The following DSCAML1 variants were observed in gnomAD, a reference collection of about 807,000 sequenced individuals.
The protein encoded by DSCAML1 is DS cell adhesion molecule like 1.
Under a neutral mutation model 200.5 loss-of-function variants are expected in DSCAML1, and 38 were observed. That is an observed-to-expected ratio of 0.19 (90% CI 0.15 to 0.25). The LOEUF (loss-of-function observed/expected upper bound fraction) is 0.25, where lower values mean the gene tolerates loss of function less well. DSCAML1 is among the 10% of genes least tolerant of loss of function. DSCAML1 has a pLI of 1.00. For missense variants in DSCAML1, 2,223 were observed against 2,858.8 expected (o/e 0.78, Z 5.07); for synonymous variants, 1,215 against 1,165.0 (o/e 1.04, Z -0.87).
intron 3 of DSCAML1, among the ~76,000 whole-genome samples, chr11:117,617,556 T>C (rs2051833537): frequency 6.6e-6 from 1 of 152,048 alleles, no homozygotes; most frequent in Non-Finnish European, 1.5e-5. Flanking sequence ...TCTGCGCAAT[T>C]AACAATAATT....
intron 3 of DSCAML1, among the ~76,000 whole-genome samples, chr11:117,590,138 C>CATG (rs1285812883): frequency 6.6e-6 from 1 of 152,092 alleles, no homozygotes; most frequent in Non-Finnish European, 1.5e-5. Flanking sequence ...ATCCATGAAC[C>CATG]CATGGGCTTG....
chr11:117,633,508 C>T (rs1028470968), intron 3 of DSCAML1, among the ~76,000 whole-genome samples: 11 of 152,178 alleles, frequency 7.2e-5, no homozygotes, highest in Admixed American at 4.6e-4. Flanking sequence ...GCCTTCAGCG[C>T]GTGGCAGGTT....
intron 11 of DSCAML1, among the ~76,000 whole-genome samples, chr11:117,487,846 G>T (rs145609077): frequency 1.3e-5 from 2 of 152,282 alleles, no homozygotes; most frequent in East Asian, 3.9e-4. Flanking sequence ...AGTATTTTCT[G>T]CTGTTTGGGG....
chr11:117,735,503 G>T (rs1449950441), intron 3 of DSCAML1, among the ~76,000 whole-genome samples: 5 of 152,168 alleles, frequency 3.3e-5, no homozygotes, highest in African/African-American at 1.2e-4. Flanking sequence ...GCAGGGGTGG[G>T]CGGGGCTGTC....
intron 20 of DSCAML1, among the ~76,000 whole-genome samples, chr11:117,444,800 A>C (rs913332351): frequency 3.9e-5 from 6 of 152,192 alleles, no homozygotes; most frequent in African/African-American, 1.4e-4. Flanking sequence ...AATGAATTTG[A>C]GAAGGAGCTT....
At chr11:117,581,737 T>A (rs556175733) in intron 3 of DSCAML1, among the ~76,000 whole-genome samples, 1 of 152,320 alleles carries the variant, frequency 6.6e-6, no homozygotes, top group South Asian at 2.1e-4. Context: ...AACTGAGGCT[T>A]AGAAATGTTA....
chr11:117,607,812 G>A (rs934613751), intron 3 of DSCAML1, among the ~76,000 whole-genome samples: 8 of 152,342 alleles, frequency 5.3e-5, no homozygotes, highest in African/African-American at 1.4e-4. Context: ...GGATGGATGA[G>A]TTTCCCTGCA....
At chr11:117,677,919 C>T (rs537982809) in intron 3 of DSCAML1, among the ~76,000 whole-genome samples, 1 of 152,310 alleles carries the variant, frequency 6.6e-6, no homozygotes, top group Non-Finnish European at 1.5e-5. Flanking sequence ...TCTGACAGAG[C>T]TGTCTCAAAG....
intron 11 of DSCAML1, among the ~76,000 whole-genome samples, chr11:117,497,460 G>A (rs374962043): frequency 3.3e-5 from 5 of 152,352 alleles, no homozygotes; most frequent in African/African-American, 1.2e-4. Flanking sequence ...CTGGCCTGAT[G>A]AGAGGAAGTG....
In DSCAML1 at chr11:117,431,586, A is replaced by G. The variant is rs755003661; in HGVS notation, c.5322T>C (p.Gly1774=). 2 of 1,610,976 alleles carry G rather than the reference A, an allele frequency of 1.2e-6. No homozygotes were observed. Among genetic ancestry groups the G allele is most frequent in the East Asian group, 2.2e-5 (1 of 44,816 alleles). Reference sequence around the variant, plus strand: ...AGCTGTCACTCTCAGTGACCGTGACACCATGCTGGGAGCCCACGGTGCGCC... The same window carrying G: ...AGCTGTCACTCTCAGTGACCGTGACGCCATGCTGGGAGCCCACGGTGCGCC... ...SDWRTVGSQH[G]VTVTESDSYS... Residue 1774 remains glycine, a synonymous_variant, in exon 31 of 33, where the codon GGT becomes GGC. Coordinates refer to ENST00000651296, the MANE Select transcript of DSCAML1 (RefSeq NM_020693.4).
At chr11:117,763,713 A>G (rs111943658) in intron 3 of DSCAML1, among the ~76,000 whole-genome samples, 8,047 of 151,792 alleles carry the variant, frequency 0.053, 690 homozygotes, top group African/African-American at 0.18. Context: ...GGGATCACAC[A>G]GGGAGCTTTA....
intron 3 of DSCAML1, among the ~76,000 whole-genome samples, chr11:117,561,765 C>T (rs2050667846): frequency 6.6e-6 from 1 of 152,212 alleles, no homozygotes; most frequent in Non-Finnish European, 1.5e-5. Flanking sequence ...CGTACTAGCC[C>T]CAGAATGCCC....
chr11:117,738,562 C>T (rs1252793615), intron 3 of DSCAML1, among the ~76,000 whole-genome samples: 3 of 152,144 alleles, frequency 2.0e-5, no homozygotes, highest in African/African-American at 7.2e-5. Flanking sequence ...TGAAATGTAC[C>T]TACAAGTGTA....
intron 1 of DSCAML1, among the ~76,000 whole-genome samples, chr11:117,810,040 CAT>C (rs1243201655): frequency 1.3e-5 from 2 of 152,014 alleles, no homozygotes; most frequent in African/African-American, 4.8e-5. Context: ...TTTTCACACA[CAT>C]TCACACTCAC....
intron 3 of DSCAML1, among the ~76,000 whole-genome samples, chr11:117,678,357 G>A (rs1316185989): frequency 6.6e-6 from 1 of 152,228 alleles, no homozygotes; most frequent in African/African-American, 2.4e-5. Flanking sequence ...TTGTGAACAA[G>A]TATTTACTGA....
At chr11:117,790,432 C>G (rs2055439547) in intron 1 of DSCAML1, among the ~76,000 whole-genome samples, 1 of 152,238 alleles carries the variant, frequency 6.6e-6, no homozygotes, top group Admixed American at 6.5e-5. Context: ...ATCAGCTGTT[C>G]CCCATGATGC....
intron 22 of DSCAML1, 150 bp from the exon 23 acceptor site, chr11:117,439,579 G>C (rs1224709724): frequency 2.7e-6 from 3 of 1,120,280 alleles, no homozygotes; most frequent in East Asian, 2.5e-5. Flanking sequence ...GCACTCCCTG[G>C]GGGTATGAGG....
At chr11:117,639,194 C>G (rs2052350043) in intron 3 of DSCAML1, among the ~76,000 whole-genome samples, 1 of 152,052 alleles carries the variant, frequency 6.6e-6, no homozygotes, top group African/African-American at 2.4e-5. Flanking sequence ...AGAAAGGCTA[C>G]CTAGGGGCCC....
At chr11:117,593,145 C>T (rs1299426266) in intron 3 of DSCAML1, among the ~76,000 whole-genome samples, 3 of 152,074 alleles carry the variant, frequency 2.0e-5, no homozygotes, top group Non-Finnish European at 4.4e-5. Flanking sequence ...AGGCCCAGCT[C>T]CTCCATCCCC....
Sources: allele counts gnomAD v4.1 joint callset (sites outside exome capture counted in the v4.1 genomes callset), GRCh38; gene constraint gnomAD v4.1.1; transcripts MANE v1.5; gene names NCBI Gene and HGNC (gene_info 2026-07-23, HGNC 2026-07-21).